Variants in ATP10A observed in about 807,000 individuals in gnomAD.
ATP10A encodes the protein ATPase phospholipid transporting 10A (putative).
In ATP10A, 111 loss-of-function variants were observed where a neutral mutation model predicts 147.8. That is an observed-to-expected ratio of 0.75 (90% CI 0.64 to 0.88). The LOEUF (loss-of-function observed/expected upper bound fraction) is 0.88. Among genes scored for constraint, ATP10A ranks in the 40% least tolerant of loss-of-function variants. The pLI, the probability that ATP10A is intolerant of heterozygous loss-of-function variation, is 0.00. For synonymous variants in ATP10A, 875 were observed against 841.6 expected (o/e 1.04, Z -0.69); for missense variants, 1,927 against 1,959.0 (o/e 0.98, Z 0.31).
intron 1 of ATP10A, among the ~76,000 whole-genome samples, chr15:25,845,027 G>A (rs34324347): frequency 0.17 from 25,581 of 152,154 alleles, 2,499 homozygotes; most frequent in South Asian, 0.35. Flanking sequence ...CCAAATACCC[G>A]GAGAAAGTGG....
chr15:25,813,628 T>G (rs868077749), intron 1 of ATP10A, among the ~76,000 whole-genome samples: 1 of 152,162 alleles, frequency 6.6e-6, no homozygotes, highest in African/African-American at 2.4e-5. Flanking sequence ...GAAATATCCC[T>G]GTGTCCAAGA....
At chr15:25,836,270 T>C (rs1892590725) in intron 1 of ATP10A, among the ~76,000 whole-genome samples, 1 of 152,140 alleles carries the variant, frequency 6.6e-6, no homozygotes, top group Admixed American at 6.6e-5. Flanking sequence ...TTCTTCCTCT[T>C]AGTTGCTATG....
chr15:25,715,346 A>G (rs1470015848), intron 9 of ATP10A, among the ~76,000 whole-genome samples: 3 of 152,150 alleles, frequency 2.0e-5, no homozygotes, highest in African/African-American at 7.2e-5. Flanking sequence ...TCACCAACCA[A>G]TATGTGGGAA....
intron 1 of ATP10A, among the ~76,000 whole-genome samples, chr15:25,857,601 G>A (rs2140921668): frequency 6.6e-6 from 1 of 152,346 alleles, no homozygotes; most frequent in Admixed American, 6.5e-5. Flanking sequence ...AAGGGAGTAG[G>A]TGGGAATACA....
At chr15:25,706,449 C>T (rs1265158915) in intron 12 of ATP10A, among the ~76,000 whole-genome samples, 4 of 152,202 alleles carry the variant, frequency 2.6e-5, no homozygotes, top group African/African-American at 4.8e-5. Context: ...GGGATTACCA[C>T]AGAGCGGAAC....
At chr15:25,854,974 G>A (rs1893445745) in intron 1 of ATP10A, among the ~76,000 whole-genome samples, 1 of 150,778 alleles carries the variant, frequency 6.6e-6, no homozygotes, top group Admixed American at 6.6e-5. Flanking sequence ...CAGGAGAATC[G>A]CTTGAACCTG....
intron 15 of ATP10A, among the ~76,000 whole-genome samples, chr15:25,688,246 C>T (rs1899807361): frequency 6.6e-6 from 1 of 152,210 alleles, no homozygotes; most frequent in African/African-American, 2.4e-5. Flanking sequence ...GCTGCTCCTG[C>T]CGTATGTATC....
chr15:25,732,843 C>T (rs1391885554), intron 3 of ATP10A, among the ~76,000 whole-genome samples: 1 of 152,008 alleles, frequency 6.6e-6, no homozygotes, highest in Non-Finnish European at 1.5e-5. Context: ...GTGTGAGCCA[C>T]CGCGCCCGGC....
intron 1 of ATP10A, among the ~76,000 whole-genome samples, chr15:25,800,780 G>A (rs1890902219): frequency 6.6e-6 from 1 of 152,114 alleles, no homozygotes; most frequent in Non-Finnish European, 1.5e-5. Context: ...TTCAAAAGCT[G>A]GTGCTCACAG....
Position 25,683,413 on chromosome 15 carries a change from T to C in ATP10A, c.3365A>G (p.Tyr1122Cys). The change falls in exon 17 of 21, where the codon TAT becomes TGT. Residue 1122 changes from tyrosine to cysteine, a missense_variant. Coordinates refer to ENST00000555815, the MANE Select transcript of ATP10A (RefSeq NM_024490.4). ...GAAGAGCAGATTAAAGAAGATTAGA[T>C]ACCACTGGTCAATCATGGTAGATGC... ...FSASTMIDQW[Y>C]LIFFNLLFSS... 4 of 1,614,042 alleles carry C rather than the reference T, an allele frequency of 2.5e-6. No individual in the cohort carries two copies. The highest frequency in any genetic ancestry group is 3.4e-6 in the Non-Finnish European group (4 of 1,179,988).
intron 3 of ATP10A, among the ~76,000 whole-genome samples, chr15:25,729,020 C>A (rs974305829): frequency 1.3e-5 from 2 of 152,196 alleles, no homozygotes; most frequent in African/African-American, 4.8e-5. Flanking sequence ...CAGAAGCACA[C>A]AGGTACGAGG....
intron 1 of ATP10A, among the ~76,000 whole-genome samples, chr15:25,807,236 C>T (rs928697331): frequency 2.0e-5 from 3 of 152,232 alleles, no homozygotes; most frequent in African/African-American, 7.2e-5. Flanking sequence ...GGCTGCTCGA[C>T]CCTGTCCTGA....
intron 13 of ATP10A, 55 bp from the exon 14 acceptor site, chr15:25,695,201 C>T (rs1440687437): frequency 2.0e-6 from 3 of 1,512,938 alleles, no homozygotes; most frequent in Non-Finnish European, 2.7e-6. Context: ...CCACAAACAT[C>T]CCCGCCCTGG....
intron 1 of ATP10A, among the ~76,000 whole-genome samples, chr15:25,796,894 T>C (rs1890696660): frequency 6.6e-6 from 1 of 152,246 alleles, no homozygotes; most frequent in African/African-American, 2.4e-5. Context: ...TTGTATATAG[T>C]ATGAGGCACA....
chr15:25,776,324 C>T (rs561929015), intron 2 of ATP10A, among the ~76,000 whole-genome samples: 18 of 152,268 alleles, frequency 1.2e-4, no homozygotes, highest in East Asian at 3.9e-4. Flanking sequence ...TCCACACTGA[C>T]GGATGGGGTG....
chr15:25,853,970 T>C (rs1893400873), intron 1 of ATP10A, among the ~76,000 whole-genome samples: 1 of 149,788 alleles, frequency 6.7e-6, no homozygotes, highest in Non-Finnish European at 1.5e-5. Flanking sequence ...AAAAAAAGAC[T>C]CAGGAGACAA....
chr15:25,824,465 C>T (rs1174565454), intron 1 of ATP10A, among the ~76,000 whole-genome samples: 1 of 108,478 alleles, frequency 9.2e-6, no homozygotes, highest in East Asian at 2.5e-4. Context: ...GGGAGCAAGA[C>T]CCTGTCTCAA....
chr15:25,708,166 C>G lies in ATP10A; in HGVS notation c.2448+31G>C, dbSNP rs774842075. The G allele has an allele frequency of 8.7e-6, 14 of 1,613,762 alleles. No individual in the cohort carries two copies. In the East Asian group the frequency reaches 1.3e-4, roughly 15 times the overall value. ...GCTCACTGTGGGGCGGCCACCTGCA[C>G]GTGCACCCTCGCGGAGACACCCCCA... On this transcript the variant is annotated intron_variant, in intron 11 of 20. Coordinates refer to ENST00000555815, the MANE Select transcript of ATP10A (RefSeq NM_024490.4).
intron 1 of ATP10A, among the ~76,000 whole-genome samples, chr15:25,828,092 T>C (rs896351796): frequency 6.6e-6 from 1 of 152,058 alleles, no homozygotes; most frequent in Non-Finnish European, 1.5e-5. Flanking sequence ...GGTCAATCCA[T>C]CAGAAGGCCA....
Sources: allele counts gnomAD v4.1 joint callset (sites outside exome capture counted in the v4.1 genomes callset), GRCh38; gene constraint gnomAD v4.1.1; transcripts MANE v1.5; gene names NCBI Gene and HGNC (gene_info 2026-07-23, HGNC 2026-07-21).